FHIP1A: variants seen among roughly 807,000 people sequenced by gnomAD.
FHIP1A encodes FHF complex subunit HOOK-interacting protein 1A.
FHIP1A carries 61 observed loss-of-function variants against 88.6 expected under a neutral mutation model. The observed-to-expected ratio is 0.69, with a 90% CI of 0.56 to 0.85. FHIP1A has a LOEUF of 0.85. FHIP1A is among the 40% of genes least tolerant of loss of function. The pLI is 0.00. For missense variants in FHIP1A, 1,154 were observed against 1,273.5 expected, an observed-to-expected ratio of 0.91 and a Z score of 1.43; for synonymous variants, 478 against 496.0, an observed-to-expected ratio of 0.96 and a Z score of 0.48.
chr4:151,505,323 C>T (rs1730794001), intron 3 of FHIP1A, among the ~76,000 whole-genome samples: 1 of 152,120 alleles, frequency 6.6e-6, no homozygotes, highest in Admixed American at 6.5e-5. Flanking sequence ...AGGCTATAGA[C>T]AAACATGATT....
intron 3 of FHIP1A, among the ~76,000 whole-genome samples, chr4:151,518,661 C>CCCTCCCTCCCTCCCTCCCTA (rs746758648): frequency 1.3e-5 from 1 of 79,654 alleles, no homozygotes; most frequent in Non-Finnish European, 2.6e-5. Context: ...CTCCCTCCCT[C>CCCTCCCTCCCTCCCTCCCTA]CCTTCCTTCT....
chr4:151,500,649 C>A (rs1055575257), intron 3 of FHIP1A, among the ~76,000 whole-genome samples: 2 of 152,072 alleles, frequency 1.3e-5, no homozygotes, highest in Non-Finnish European at 2.9e-5. Flanking sequence ...GTGCAGGCCA[C>A]ATTGTAACTG....
intron 3 of FHIP1A, among the ~76,000 whole-genome samples, chr4:151,496,317 A>T (rs1730459884): frequency 6.6e-6 from 1 of 151,860 alleles, no homozygotes; most frequent in South Asian, 2.1e-4. Flanking sequence ...AAGCACCACA[A>T]AGCTTAAAAG....
chr4:151,526,728 G>A (rs1161445979), intron 3 of FHIP1A, among the ~76,000 whole-genome samples: 14 of 151,942 alleles, frequency 9.2e-5, no homozygotes, highest in African/African-American at 2.7e-4. Flanking sequence ...CTTCCCAGAC[G>A]GGGCGGCTGC....
intron 7 of FHIP1A, among the ~76,000 whole-genome samples, chr4:151,615,818 A>G (rs1735496986): frequency 1.3e-5 from 2 of 152,182 alleles, no homozygotes; most frequent in South Asian, 4.1e-4. Flanking sequence ...AGGGGAAAAT[A>G]TAATTTGGGG....
intron 6 of FHIP1A, 83 bp from the exon 7 acceptor site, chr4:151,588,757 C>A: frequency 1.1e-6 from 1 of 900,298 alleles, no homozygotes; most frequent in Non-Finnish European, 1.8e-6. Context: ...TTTTTGAGTT[C>A]AGGATGTACA....
intron 1 of FHIP1A, among the ~76,000 whole-genome samples, chr4:151,443,717 G>T (rs545785139): frequency 6.6e-6 from 1 of 151,028 alleles, no homozygotes; most frequent in East Asian, 2.0e-4. Flanking sequence ...GTGTGTGTGT[G>T]TGTGTGTTTA....
chr4:151,635,282 A>G (rs932014975), intron 8 of FHIP1A, among the ~76,000 whole-genome samples: 1 of 151,868 alleles, frequency 6.6e-6, no homozygotes, highest in Admixed American at 6.6e-5. Flanking sequence ...ATGGGAATGT[A>G]AAGTGGTGCA....
At chr4:151,507,802 G>A (rs916948626) in intron 3 of FHIP1A, among the ~76,000 whole-genome samples, 1 of 152,162 alleles carries the variant, frequency 6.6e-6, no homozygotes, top group African/African-American at 2.4e-5. Context: ...GAGAGATGGA[G>A]ATATTTACAG....
chr4:151,525,902 C>A (rs572273105), intron 3 of FHIP1A, among the ~76,000 whole-genome samples: 9 of 151,882 alleles, frequency 5.9e-5, no homozygotes, highest in Non-Finnish European at 1.2e-4. Flanking sequence ...GAGGACCCTG[C>A]GGCCTTCCGC....
chr4:151,589,941 C>T (rs1024558625), intron 7 of FHIP1A, among the ~76,000 whole-genome samples: 2 of 152,080 alleles, frequency 1.3e-5, no homozygotes, highest in African/African-American at 4.8e-5. Flanking sequence ...GTGGTTTAAA[C>T]ATAAAAATAC....
intron 2 of FHIP1A, among the ~76,000 whole-genome samples, chr4:151,482,259 G>A (rs898061350): frequency 6.6e-6 from 1 of 151,980 alleles, no homozygotes; most frequent in African/African-American, 2.4e-5. Context: ...GCATATAATT[G>A]TTTGACATCT....
At chr4:151,547,774 C>A (rs1009272816) in intron 3 of FHIP1A, among the ~76,000 whole-genome samples, 17 of 152,242 alleles carry the variant, frequency 1.1e-4, no homozygotes, top group African/African-American at 3.1e-4. Context: ...ATTAGCTGGG[C>A]ATGGTGGCGG....
chr4:151,545,145 C>T (rs1166557157), intron 3 of FHIP1A, among the ~76,000 whole-genome samples: 2 of 152,108 alleles, frequency 1.3e-5, no homozygotes, highest in African/African-American at 2.4e-5. Flanking sequence ...GTTGGTTTCC[C>T]AGAAAGGTCT....
At chr4:151,472,306 T>C (rs549973047) in intron 2 of FHIP1A, among the ~76,000 whole-genome samples, 1 of 152,274 alleles carries the variant, frequency 6.6e-6, no homozygotes, top group South Asian at 2.1e-4. Flanking sequence ...ACCATGATTT[T>C]TTTTTTGTAC....
At chr4:151,643,459 A>G (rs4696103) in intron 9 of FHIP1A, among the ~76,000 whole-genome samples, 45,558 of 152,136 alleles carry the variant, frequency 0.3, 7,111 homozygotes, top group Non-Finnish European at 0.36. Context: ...TTTGTGTTGG[A>G]AACATTACAA....
intron 8 of FHIP1A, among the ~76,000 whole-genome samples, chr4:151,631,255 G>A (rs938519137): frequency 2.6e-5 from 4 of 152,082 alleles, no homozygotes; most frequent in African/African-American, 9.7e-5. Context: ...GAGAAAAAAA[G>A]AGGGAAGTCT....
At chr4:151,626,828 T>C (rs994583156) in intron 7 of FHIP1A, among the ~76,000 whole-genome samples, 6 of 152,236 alleles carry the variant, frequency 3.9e-5, no homozygotes, top group African/African-American at 1.2e-4. Context: ...CCAGTCTTGC[T>C]AACACTTCTT....
chr4:151,562,809 G>A (rs1733226543), intron 3 of FHIP1A, among the ~76,000 whole-genome samples: 1 of 152,160 alleles, frequency 6.6e-6, no homozygotes, highest in African/African-American at 2.4e-5. Context: ...TGTCCAAATA[G>A]TCTGAAGTTG....
Sources: gnomAD v4.1 joint callset for allele counts (sites outside exome capture counted in the v4.1 genomes callset) on GRCh38, gnomAD v4.1.1 for gene constraint, MANE v1.5 for transcripts, NCBI Gene and HGNC (gene_info 2026-07-23, HGNC 2026-07-21) for gene names.